Variants in IQCE observed in about 807,000 individuals in gnomAD.
The protein encoded by IQCE is IQ motif containing E.
In IQCE, 115 loss-of-function variants were observed where a neutral mutation model predicts 96.0. The observed-to-expected ratio is 1.20, with a 90% CI of 1.03 to 1.40. The LOEUF (loss-of-function observed/expected upper bound fraction) is 1.40. Ranked by LOEUF, IQCE falls within the 40% of genes most tolerant of loss-of-function variation. IQCE has a pLI of 0.00. For missense variants in IQCE, 1,041 were observed against 909.1 expected (o/e 1.15, Z -1.87); for synonymous variants, 412 against 371.2 (o/e 1.11, Z -1.26).
In IQCE at chr7:2,572,172, C is replaced by T. The variant is rs1341747062; in HGVS notation, c.260-20C>T. 3 of 1,608,136 alleles carry T rather than the reference C, an allele frequency of 1.9e-6. No homozygotes were observed. Among genetic ancestry groups the T allele is most frequent in the East Asian group, 2.2e-5 (1 of 44,846 alleles). On this transcript the variant is annotated intron_variant, in intron 4 of 21. Coordinates refer to ENST00000402050, the MANE Select transcript of IQCE (RefSeq NM_152558.5). ...GTGTGCTTGTATCTGTCATATTAAA[C>T]CCATGCACATTCAAACCAGGAAGTC...
intron 13 of IQCE, among the ~76,000 whole-genome samples, chr7:2,589,273 C>T (rs1213666228): frequency 6.6e-6 from 1 of 151,884 alleles, no homozygotes; most frequent in African/African-American, 2.4e-5. Flanking sequence ...GAGGCTGAGG[C>T]AGGAGGAACG....
At chr7:2,578,916 G>A (rs983323001) in intron 8 of IQCE, among the ~76,000 whole-genome samples, 8 of 152,108 alleles carry the variant, frequency 5.3e-5, no homozygotes, top group East Asian at 3.8e-4. Context: ...CAAAAAAGCC[G>A]GGTATGGCAG....
In IQCE at chr7:2,614,698, C is replaced by T. The variant is rs1309818875; in HGVS notation, c.*4536C>T. 6.6e-6 allele frequency: 1 copy of T among 152,144 alleles called. No individual in the cohort carries two copies. The highest frequency in any genetic ancestry group is 6.5e-5 in the Admixed American group (1 of 15,272). The allele number at this position is 152,144 out of a possible 1,614,324, so 9.4% of individuals were successfully genotyped here. Reference sequence around the variant, plus strand: ...TGCAACTCATTATTCTCATTATTGGCCTTTTAAATAAAAAGTTGTTTTGCA... The same window carrying T: ...TGCAACTCATTATTCTCATTATTGGTCTTTTAAATAAAAAGTTGTTTTGCA... On this transcript the variant is annotated 3_prime_UTR_variant, in exon 22 of 22. Coordinates refer to ENST00000402050, the MANE Select transcript of IQCE (RefSeq NM_152558.5).
chr7:2,606,945 C>T (rs1290264408), intron 20 of IQCE, among the ~76,000 whole-genome samples, 179 bp from the exon 21 acceptor site: 2 of 152,152 alleles, frequency 1.3e-5, no homozygotes, highest in Non-Finnish European at 2.9e-5. Flanking sequence ...CACCGCCGGA[C>T]GTTTCTGGAC....
intron 16 of IQCE, among the ~76,000 whole-genome samples, chr7:2,595,505 G>A (rs1562666937): frequency 6.6e-6 from 1 of 151,732 alleles, no homozygotes; most frequent in Non-Finnish European, 1.5e-5. Context: ...CAGGTGAGCA[G>A]GGACCCTAGA....
At chr7:2,572,414 G>A in intron 5 of IQCE, 88 bp downstream of exon 5, 2 of 1,415,254 alleles carry the variant, frequency 1.4e-6, no homozygotes, top group South Asian at 2.7e-5. Context: ...CTTCGTCAGA[G>A]CAGGATTTCT....
At chr7:2,598,206 A>G (rs973473041) in intron 16 of IQCE, 1 of 362,410 alleles carries the variant, frequency 2.8e-6, no homozygotes, top group African/African-American at 2.1e-5. Context: ...CCCAGGAGGC[A>G]CTGCCAGACA....
At chr7:2,593,281 C>T (rs1258802973) in intron 15 of IQCE, among the ~76,000 whole-genome samples, 155 bp downstream of exon 15, 2 of 152,248 alleles carry the variant, frequency 1.3e-5, no homozygotes, top group African/African-American at 2.4e-5. Flanking sequence ...TCACCCAGCC[C>T]GGGACTAACC....
rs1015777103 is a variant in IQCE at position 2,612,717 on chromosome 7, G to C, written c.*2555G>C. 2 of 153,002 alleles carry C rather than the reference G, an allele frequency of 1.3e-5. No homozygotes were observed. The highest frequency in any genetic ancestry group is 4.9e-5 in the African/African-American group (2 of 41,142). 9.5% of individuals were successfully genotyped at this position (153,002 alleles called of 1,614,324 possible). A position where few individuals can be genotyped will look rare whatever the true frequency, so the allele number is the denominator to read the frequency against. ...GTGGGCGGGGCCTAGTCACGGGAGA[G>C]GTGAGCTGTGGGCGGGGCCTAGTCA... On this transcript the variant is annotated 3_prime_UTR_variant, in exon 22 of 22. Coordinates refer to ENST00000402050, the MANE Select transcript of IQCE (RefSeq NM_152558.5).
At chr7:2,609,050 C>T (rs1239163484) in intron 21 of IQCE, among the ~76,000 whole-genome samples, 3 of 152,204 alleles carry the variant, frequency 2.0e-5, no homozygotes, top group South Asian at 2.1e-4. Context: ...TTCAAGGCAG[C>T]GACACTCAGG....
chr7:2,589,108 C>G (rs1783372523), intron 13 of IQCE, among the ~76,000 whole-genome samples: 1 of 152,170 alleles, frequency 6.6e-6, no homozygotes. Flanking sequence ...TGACTCACAC[C>G]AGCAATCCCA....
At chr7:2,605,039 C>A in intron 19 of IQCE, 48 bp downstream of exon 19, 1 of 1,313,408 alleles carries the variant, frequency 7.6e-7, no homozygotes, top group South Asian at 1.2e-5. Flanking sequence ...CAGAGCTGCT[C>A]GTCTCGCACT....
chr7:2,594,302 T>C (rs1354856471), intron 15 of IQCE, among the ~76,000 whole-genome samples: 1 of 152,124 alleles, frequency 6.6e-6, no homozygotes, highest in African/African-American at 2.4e-5. Context: ...TCAGGAGAAA[T>C]CTGACTGAAT....
chr7:2,578,604 C>G, intron 8 of IQCE, 78 bp downstream of exon 8: 1 of 1,486,212 alleles, frequency 6.7e-7, no homozygotes, highest in Admixed American at 1.7e-5. Flanking sequence ...ACGCCTTTCC[C>G]TGCAGCACCC....
chr7:2,576,781 C>T (rs1782157007), intron 6 of IQCE, among the ~76,000 whole-genome samples: 1 of 152,206 alleles, frequency 6.6e-6, no homozygotes, highest in Non-Finnish European at 1.5e-5. Context: ...TTGGGAAGCA[C>T]TGCCTTCCAC....
intron 9 of IQCE, 100 bp from the exon 10 acceptor site, chr7:2,583,537 A>C: frequency 1.3e-6 from 1 of 786,470 alleles, no homozygotes; most frequent in Non-Finnish European, 1.9e-6. Context: ...GGTCTTTTCC[A>C]AAGCCTCTCC....
Position 2,593,016 on chromosome 7 carries a change from G to C in IQCE, c.1245-6G>C. 1 of 1,598,668 alleles carries C rather than the reference G, an allele frequency of 6.3e-7. No individual in the cohort carries two copies. Among genetic ancestry groups the C allele is most frequent in the Non-Finnish European group, 8.6e-7 (1 of 1,168,966 alleles). ...ACGCTGACGAGTCTCCTATTCTTGT[G>C]TGCAGTTTGGAGGTGAAGCAGCTCC... On this transcript the variant is annotated splice_polypyrimidine_tract_variant and splice_region_variant and intron_variant, in intron 14 of 21. Coordinates refer to ENST00000402050, the MANE Select transcript of IQCE (RefSeq NM_152558.5).
chr7:2,611,148 C>CTGGGCTGGGCTGGGCTGGGCTGGGCTGG lies in IQCE; in HGVS notation c.*986_*987insTGGGCTGGGCTGGGCTGGGCTGGGCTGG. The CTGGGCTGGGCTGGGCTGGGCTGGGCTGG allele has an allele frequency of 1.3e-5, 2 of 152,456 alleles. No homozygotes were observed. The highest frequency in any genetic ancestry group is 2.4e-5 in the African/African-American group (1 of 41,260). 9.4% of individuals were successfully genotyped at this position (152,456 alleles called of 1,614,324 possible). On this transcript the variant is annotated 3_prime_UTR_variant, in exon 22 of 22. Coordinates refer to ENST00000402050, the MANE Select transcript of IQCE (RefSeq NM_152558.5). ...CTGGGCTGGGCTGGGCTGGGCCGGG[C>CTGGGCTGGGCTGGGCTGGGCTGGGCTGG]GTGCGGAGCCTGTGGAGCCAGCAGC...
chr7:2,607,099 G>C, intron 20 of IQCE, 25 bp from the exon 21 acceptor site: 2 of 1,571,392 alleles, frequency 1.3e-6, no homozygotes, highest in Non-Finnish European at 1.7e-6. Context: ...AGCAGAATCA[G>C]CTGGCGTTTT....
Sources: gnomAD v4.1 joint callset for allele counts (sites outside exome capture counted in the v4.1 genomes callset) on GRCh38, gnomAD v4.1.1 for gene constraint, MANE v1.5 for transcripts, NCBI Gene and HGNC (gene_info 2026-07-23, HGNC 2026-07-21) for gene names.